The following MDGA2 variants were observed in gnomAD, a reference collection of about 807,000 sequenced individuals.
MDGA2 encodes MAM domain-containing glycosylphosphatidylinositol anchor protein 2.
A neutral mutation model predicts 117.8 loss-of-function variants in MDGA2; 40 were observed. That is an observed-to-expected ratio of 0.34 (90% CI 0.26 to 0.44). MDGA2 has a LOEUF of 0.44. Ranked by LOEUF, MDGA2 falls within the 20% of genes least tolerant of loss-of-function variation. The pLI, the probability that MDGA2 is intolerant of heterozygous loss-of-function variation, is 1.00. For synonymous variants in MDGA2, 452 were observed against 439.0 expected, an observed-to-expected ratio of 1.03 and a Z score of -0.37; for missense variants, 1,123 against 1,250.6, an observed-to-expected ratio of 0.90 and a Z score of 1.54.
chr14:47,336,744 A>G (rs1265814824), intron 1 of MDGA2, among the ~76,000 whole-genome samples: 1 of 151,958 alleles, frequency 6.6e-6, no homozygotes, highest in Non-Finnish European at 1.5e-5. Flanking sequence ...ATCATATCAC[A>G]TGGTATGCTT....
At chr14:47,480,057 A>C (rs1243168467) in intron 1 of MDGA2, among the ~76,000 whole-genome samples, 1 of 142,556 alleles carries the variant, frequency 7.0e-6, no homozygotes, top group East Asian at 2.2e-4. Context: ...CAAATATCAT[A>C]AATAATGTGG....
At chr14:47,132,669 T>C (rs1286948101) in intron 4 of MDGA2, among the ~76,000 whole-genome samples, 1 of 152,002 alleles carries the variant, frequency 6.6e-6, no homozygotes, top group African/African-American at 2.4e-5. Flanking sequence ...TGGGCTTTCT[T>C]TGCCTTCTAA....
intron 2 of MDGA2, among the ~76,000 whole-genome samples, chr14:47,258,350 G>A (rs2139664808): frequency 6.6e-6 from 1 of 152,202 alleles, no homozygotes; most frequent in South Asian, 2.1e-4. Context: ...ATGGTGGAAG[G>A]CGGAGAGGAA....
At chr14:47,322,195 G>A (rs531200891) in intron 1 of MDGA2, among the ~76,000 whole-genome samples, 63 of 152,250 alleles carry the variant, frequency 4.1e-4, no homozygotes, top group African/African-American at 1.4e-3. Flanking sequence ...TGGGCCATAT[G>A]TCACAGAGCA....
intron 4 of MDGA2, among the ~76,000 whole-genome samples, chr14:47,140,553 A>G (rs1882674281): frequency 1.3e-5 from 2 of 152,170 alleles, no homozygotes; most frequent in Non-Finnish European, 2.9e-5. Context: ...AATTTTCAAC[A>G]AAAGTGCTAA....
chr14:47,170,072 A>G (rs17118127), intron 3 of MDGA2, among the ~76,000 whole-genome samples: 16,432 of 152,152 alleles, frequency 0.11, 1,043 homozygotes, highest in African/African-American at 0.16. Context: ...AATCACCAGA[A>G]TAACTCCTGG....
In MDGA2 at chr14:46,990,080, A is replaced by G. The variant is rs546101653; in HGVS notation, c.1820-32437T>C. Among the ~76,000 whole-genome samples the G allele has an allele frequency of 3.3e-5, 5 of 152,212 alleles. No homozygotes were observed. In the South Asian group the frequency reaches 1.0e-3, roughly 32 times the overall value. On this transcript the variant is annotated intron_variant, in intron 8 of 16. Coordinates refer to ENST00000399232, the MANE Select transcript of MDGA2 (RefSeq NM_001113498.3). ...CATAGGTTCAAATCCAGACTTTATC[A>G]CTTGTTAGACATGTGACCTTGAAAT...
At chr14:47,494,610 C>T (rs1427013037) in intron 1 of MDGA2, among the ~76,000 whole-genome samples, 1 of 151,916 alleles carries the variant, frequency 6.6e-6, no homozygotes, top group Non-Finnish European at 1.5e-5. Context: ...GACCAATGCC[C>T]AGAAAAGTTT....
At chr14:47,108,798 A>G (rs535439695) in intron 5 of MDGA2, among the ~76,000 whole-genome samples, 1 of 152,324 alleles carries the variant, frequency 6.6e-6, no homozygotes, top group East Asian at 1.9e-4. Flanking sequence ...AACAATATAA[A>G]TAGAAAAGCT....
chr14:47,420,790 T>C (rs918246027), intron 1 of MDGA2, among the ~76,000 whole-genome samples: 2 of 151,682 alleles, frequency 1.3e-5, no homozygotes, highest in African/African-American at 2.4e-5. Flanking sequence ...TCAAAAGCAA[T>C]ATCTAAAAGA....
At chr14:47,463,992 T>C (rs1893545276) in intron 1 of MDGA2, among the ~76,000 whole-genome samples, 1 of 152,034 alleles carries the variant, frequency 6.6e-6, no homozygotes, top group African/African-American at 2.4e-5. Flanking sequence ...GGATTACCAA[T>C]GGGTATAATC....
intron 10 of MDGA2, among the ~76,000 whole-genome samples, chr14:46,908,901 G>C (rs1445243466): frequency 6.6e-6 from 1 of 152,080 alleles, no homozygotes; most frequent in East Asian, 1.9e-4. Context: ...TTTGAAAATT[G>C]TCCCAAAATA....
intron 1 of MDGA2, among the ~76,000 whole-genome samples, chr14:47,613,840 T>A (rs1423803452): frequency 6.6e-6 from 1 of 152,176 alleles, no homozygotes; most frequent in Non-Finnish European, 1.5e-5. Context: ...TATACTTTTA[T>A]ATGAACTATT....
chr14:47,116,244 T>C (rs910326950), intron 5 of MDGA2, among the ~76,000 whole-genome samples: 1 of 151,912 alleles, frequency 6.6e-6, no homozygotes, highest in African/African-American at 2.4e-5. Flanking sequence ...CTACAAAACA[T>C]TGGTGAAGGA....
chr14:47,294,416 A>G (rs10151840), intron 2 of MDGA2, among the ~76,000 whole-genome samples: 22,649 of 152,074 alleles, frequency 0.15, 2,021 homozygotes, highest in South Asian at 0.27. Flanking sequence ...ATTTTTTTAA[A>G]AATAAATGTT....
At chr14:46,844,966 C>G (rs924056163) in intron 16 of MDGA2, among the ~76,000 whole-genome samples, 4 of 152,320 alleles carry the variant, frequency 2.6e-5, no homozygotes, top group Admixed American at 2.6e-4. Context: ...ACTGCAAGCT[C>G]CGCCTCCCGC....
At chr14:47,456,459 A>AT (rs376862684) in intron 1 of MDGA2, among the ~76,000 whole-genome samples, 3,598 of 144,410 alleles carry the variant, frequency 0.025, 133 homozygotes, top group African/African-American at 0.084. Context: ...CGCCTGGCTA[A>AT]TTTTTTTTTT....
chr14:47,090,092 C>T (rs981252093), intron 6 of MDGA2, among the ~76,000 whole-genome samples: 1 of 151,902 alleles, frequency 6.6e-6, no homozygotes, highest in Admixed American at 6.6e-5. Flanking sequence ...ATTAGCAGTG[C>T]TAATATTTGG....
At chr14:47,381,949 T>G (rs1292382087) in intron 1 of MDGA2, among the ~76,000 whole-genome samples, 1 of 152,182 alleles carries the variant, frequency 6.6e-6, no homozygotes, top group Non-Finnish European at 1.5e-5. Context: ...TCACACTACC[T>G]GACTTCAAAC....
Sources: gnomAD v4.1 joint callset for allele counts (sites outside exome capture counted in the v4.1 genomes callset) on GRCh38, gnomAD v4.1.1 for gene constraint, MANE v1.5 for transcripts, NCBI Gene and HGNC (gene_info 2026-07-23, HGNC 2026-07-21) for gene names.